TRIM37: variants seen among roughly 807,000 people sequenced by gnomAD.
TRIM37 encodes E3 ubiquitin-protein ligase TRIM37.
TRIM37 carries 80 observed loss-of-function variants against 129.8 expected under a neutral mutation model. The observed-to-expected ratio is 0.62, with a 90% CI of 0.51 to 0.74. The LOEUF (loss-of-function observed/expected upper bound fraction) is 0.74, where lower values mean the gene tolerates loss of function less well. Ranked by LOEUF, TRIM37 falls within the 30% of genes least tolerant of loss-of-function variation. TRIM37 has a pLI of 0.00. For synonymous variants in TRIM37, 389 were observed against 387.1 expected, an observed-to-expected ratio of 1.00 and a Z score of -0.06; for missense variants, 1,054 against 1,176.5, an observed-to-expected ratio of 0.90 and a Z score of 1.52.
At chr17:59,096,875 C>T (rs926208558) in intron 2 of TRIM37, among the ~76,000 whole-genome samples, 1 of 151,938 alleles carries the variant, frequency 6.6e-6, no homozygotes. Context: ...TAGGGAAATC[C>T]TCAACAAAAT....
chr17:59,081,790 C>G (rs1389139491), intron 5 of TRIM37, among the ~76,000 whole-genome samples: 1 of 151,502 alleles, frequency 6.6e-6, no homozygotes, highest in Non-Finnish European at 1.5e-5. Flanking sequence ...ACCTGTAATC[C>G]CAGCTACTCA....
intron 24 of TRIM37, among the ~76,000 whole-genome samples, chr17:58,986,568 A>G (rs1349300940): frequency 7.2e-6 from 1 of 139,078 alleles, no homozygotes; most frequent in Non-Finnish European, 1.5e-5. Flanking sequence ...GCTGGAGTGC[A>G]GTGGTGCAAT....
chr17:58,987,386 A>G (rs757774590), intron 24 of TRIM37, among the ~76,000 whole-genome samples: 1 of 152,196 alleles, frequency 6.6e-6, no homozygotes, highest in Non-Finnish European at 1.5e-5. Flanking sequence ...CCAAATGCAC[A>G]CCAGGAGACA....
At chr17:59,093,587 C>T (rs764935419) in intron 2 of TRIM37, among the ~76,000 whole-genome samples, 7 of 152,142 alleles carry the variant, frequency 4.6e-5, no homozygotes, top group Non-Finnish European at 1.0e-4. Flanking sequence ...TTTATTACGA[C>T]GACTTATTTG....
the TRIM37 span, among the ~76,000 whole-genome samples, chr17:58,976,388 G>A: frequency 6.6e-6 from 1 of 152,140 alleles, no homozygotes; most frequent in Non-Finnish European, 1.5e-5. Context: ...AAATCCAGTA[G>A]CTTAAGTGGA....
chr17:59,081,026 A>G, intron 6 of TRIM37, 71 bp downstream of exon 6: 1 of 908,248 alleles, frequency 1.1e-6, no homozygotes. Context: ...TGATTAACTT[A>G]TATTATATAA....
At chr17:59,015,109 A>T (rs1342211871) in intron 21 of TRIM37, among the ~76,000 whole-genome samples, 1 of 16,742 alleles carries the variant, frequency 6.0e-5, no homozygotes, top group African/African-American at 5.8e-4. Flanking sequence ...CATCCCATTA[A>T]AAAAAAAAAA....
intron 3 of TRIM37, among the ~76,000 whole-genome samples, chr17:59,090,650 G>A (rs1029297558): frequency 6.6e-6 from 1 of 151,992 alleles, no homozygotes; most frequent in Non-Finnish European, 1.5e-5. Flanking sequence ...GCCCAGGCTG[G>A]AGTGCAGTGG....
intron 8 of TRIM37, among the ~76,000 whole-genome samples, chr17:59,075,205 C>T (rs1179129630): frequency 2.0e-5 from 3 of 151,932 alleles, no homozygotes; most frequent in South Asian, 4.1e-4. Context: ...TCCATTATAA[C>T]ACAAAAGATC....
chr17:59,086,915 A>G (rs2043802217), intron 4 of TRIM37, among the ~76,000 whole-genome samples: 1 of 152,204 alleles, frequency 6.6e-6, no homozygotes, highest in South Asian at 2.1e-4. Flanking sequence ...AAAAGAGGTA[A>G]AAGGTCTTTC....
At chr17:59,026,001 G>C (rs986827291) in intron 19 of TRIM37, among the ~76,000 whole-genome samples, 1 of 151,852 alleles carries the variant, frequency 6.6e-6, no homozygotes, top group African/African-American at 2.4e-5. Context: ...TATATATTTT[G>C]CTATTATCTC....
downstream of TRIM37, chr17:58,980,102 G>C (rs1246291183): frequency 6.2e-7 from 1 of 1,614,168 alleles, no homozygotes; most frequent in Non-Finnish European, 8.5e-7. This position sits in a 1 kb window ranked among gnomAD's most constrained non-coding sequence, Gnocchi z 4.7. Flanking sequence ...TGATGAGGCA[G>C]TGAAAGTTGT....
Position 59,012,536 on chromosome 17 carries a change from G to C in TRIM37, c.2577-90C>G, listed in dbSNP as rs2035423799. ...TTGAACTGAGCACCAAACTAAGTAG[G>C]GTACGTGCTCTGGTGCTTAATACTA... On this transcript the variant is annotated intron_variant, in intron 21 of 23. Coordinates refer to ENST00000262294, the MANE Select transcript of TRIM37 (RefSeq NM_015294.6). The C allele has an allele frequency of 4.5e-6, 4 of 886,512 alleles. No individual in the cohort carries two copies. In the South Asian group the frequency reaches 5.3e-5, roughly 12 times the overall value. 54.9% of individuals were successfully genotyped at this position (886,512 alleles called of 1,614,324 possible). A position where few individuals can be genotyped will look rare whatever the true frequency, so the allele number is the denominator to read the frequency against.
chr17:59,031,229 ATTGT>A (rs1264168594), intron 18 of TRIM37, among the ~76,000 whole-genome samples: 1 of 152,208 alleles, frequency 6.6e-6, no homozygotes, highest in Non-Finnish European at 1.5e-5. Flanking sequence ...ATATAATACT[ATTGT>A]TTAAGAAGGT....
chr17:59,032,774 C>T (rs917575836), intron 17 of TRIM37, among the ~76,000 whole-genome samples: 2 of 151,994 alleles, frequency 1.3e-5, no homozygotes, highest in Non-Finnish European at 2.9e-5. Context: ...GACAAATTCC[C>T]ATAGTATAAC....
At chr17:59,079,023 GC>G (rs762046181) in intron 7 of TRIM37, among the ~76,000 whole-genome samples, 1 of 149,956 alleles carries the variant, frequency 6.7e-6, no homozygotes, top group Non-Finnish European at 1.5e-5. Context: ...CAAAGACATG[GC>G]TAAAATCTTG....
chr17:59,054,337 T>G (rs2040625338), intron 13 of TRIM37, among the ~76,000 whole-genome samples: 1 of 152,172 alleles, frequency 6.6e-6, no homozygotes, highest in Admixed American at 6.5e-5. Context: ...GTTTCACTCT[T>G]GTCGCCCAGG....
intron 6 of TRIM37, among the ~76,000 whole-genome samples, chr17:59,080,701 G>T (rs559539504): frequency 1.3e-5 from 2 of 152,140 alleles, no homozygotes; most frequent in Non-Finnish European, 2.9e-5. Flanking sequence ...TGAGGCAAAA[G>T]AATCACTTGA....
intron 19 of TRIM37, among the ~76,000 whole-genome samples, chr17:59,021,586 T>C (rs552574540): frequency 5.3e-5 from 8 of 152,006 alleles, no homozygotes; most frequent in Non-Finnish European, 8.8e-5. Flanking sequence ...TTAAAACAAC[T>C]GAACTCAAGA....
Sources: allele counts gnomAD v4.1 joint callset (sites outside exome capture counted in the v4.1 genomes callset), GRCh38; gene constraint gnomAD v4.1.1; non-coding constraint Gnocchi (gnomAD v3.1); transcripts MANE v1.5; gene names NCBI Gene and HGNC (gene_info 2026-07-23, HGNC 2026-07-21).